The following TSPAN14 variants were observed in gnomAD, a reference collection of about 807,000 sequenced individuals.
The protein encoded by TSPAN14 is tetraspanin-14.
TSPAN14 carries 16 observed loss-of-function variants against 36.6 expected under a neutral mutation model. The observed-to-expected ratio is 0.44, with a 90% CI of 0.30 to 0.66. The LOEUF is 0.66. Ranked by LOEUF, TSPAN14 falls within the 30% of genes least tolerant of loss-of-function variation. The pLI, the probability that TSPAN14 is intolerant of heterozygous loss-of-function variation, is 0.12. For synonymous variants in TSPAN14, 139 were observed against 143.8 expected, an observed-to-expected ratio of 0.97 and a Z score of 0.24; for missense variants, 231 against 355.1, an observed-to-expected ratio of 0.65 and a Z score of 2.81.
chr10:80,479,764 T>C (rs1210778223), intron 1 of TSPAN14, among the ~76,000 whole-genome samples: 2 of 151,462 alleles, frequency 1.3e-5, no homozygotes. Flanking sequence ...TAGGATTGAC[T>C]TGGCGATGCG....
At chr10:80,511,302 G>T (rs1377395358) in intron 5 of TSPAN14, among the ~76,000 whole-genome samples, 1 of 152,154 alleles carries the variant, frequency 6.6e-6, no homozygotes, top group East Asian at 1.9e-4. Flanking sequence ...ACCTTCATCG[G>T]ACCTCTTTTC....
At position 80,473,692 on chromosome 10, in the gene TSPAN14, T is replaced by C. The variant is rs979467424; in HGVS notation, c.-17-15525T>C. On this transcript the variant is annotated intron_variant, in intron 1 of 8. Coordinates refer to ENST00000429989, the Ensembl canonical transcript of TSPAN14. ...TTGCTGCCACCATGATGGGTTTTTTTTTTTTTTTTAAATTAAAGTTTTTTT... is the reference window on the plus strand; with the variant it reads ...TTGCTGCCACCATGATGGGTTTTTTCTTTTTTTTTAAATTAAAGTTTTTTT... Among the ~76,000 whole-genome samples the C allele has an allele frequency of 4.1e-4, 59 of 142,316 alleles. 1 individual carries two copies. The highest frequency in any genetic ancestry group is 8.4e-4 in the Non-Finnish European group (53 of 63,164). 93.4% of individuals were successfully genotyped at this position (142,316 alleles called of 152,430 possible). A position where few individuals can be genotyped will look rare whatever the true frequency, so the allele number is the denominator to read the frequency against.
At chr10:80,464,188 G>A (rs1226364988) in intron 1 of TSPAN14, among the ~76,000 whole-genome samples, 1 of 152,200 alleles carries the variant, frequency 6.6e-6, no homozygotes, top group African/African-American at 2.4e-5. Context: ...TTTTCCCGCA[G>A]TGTCAGGGGT....
chr10:80,472,903 T>C (rs922744296), intron 1 of TSPAN14, among the ~76,000 whole-genome samples: 2 of 152,230 alleles, frequency 1.3e-5, no homozygotes, highest in African/African-American at 2.4e-5. Context: ...TCTATCACAG[T>C]TCTGTTGAAC....
intron 2 of TSPAN14, among the ~76,000 whole-genome samples, chr10:80,495,985 C>A: frequency 6.6e-6 from 1 of 152,092 alleles, no homozygotes; most frequent in South Asian, 2.1e-4. Context: ...ATAAATTAAA[C>A]TCTTTGGTAT....
intron 1 of TSPAN14, among the ~76,000 whole-genome samples, chr10:80,482,620 T>C (rs1847344091): frequency 6.6e-6 from 1 of 151,336 alleles, no homozygotes; most frequent in East Asian, 1.9e-4. Flanking sequence ...TGCATGTGAG[T>C]GTGCGTGTGC....
At chr10:80,518,786 C>T (rs1841092484) in exon 9 of TSPAN14, 1 of 152,828 alleles carries the variant, frequency 6.5e-6, no homozygotes, top group Non-Finnish European at 1.5e-5. Flanking sequence ...TAAGAATGTT[C>T]TCACACCATT....
At position 80,464,041 on chromosome 10, in the gene TSPAN14, G is replaced by A. The variant is rs143406633; in HGVS notation, c.-18+9670G>A. ...GTGAGGAGTCAGCCAGAGCGAGTTG[G>A]GGTGTAGGGAGGCGGGGAGCAGGCT... is the stretch of plus-strand genomic sequence containing the variant. On this transcript the variant is annotated intron_variant, in intron 1 of 8. Coordinates refer to ENST00000429989, the Ensembl canonical transcript of TSPAN14. Among the ~76,000 whole-genome samples the A allele has an allele frequency of 4.9e-4, 75 of 152,350 alleles. 1 individual carries two copies. Among genetic ancestry groups the A allele is most frequent in the African/African-American group, 1.5e-3 (63 of 41,588 alleles).
At chr10:80,510,761 C>G (rs950717205) in intron 5 of TSPAN14, among the ~76,000 whole-genome samples, 6 of 152,058 alleles carry the variant, frequency 3.9e-5, no homozygotes, top group Non-Finnish European at 5.9e-5. Context: ...GTAGTCCCAG[C>G]TACTCGGGAG....
chr10:80,486,015 C>T (rs1847574979), intron 1 of TSPAN14, among the ~76,000 whole-genome samples: 1 of 152,204 alleles, frequency 6.6e-6, no homozygotes, highest in African/African-American at 2.4e-5. Flanking sequence ...GAGAGGGTTT[C>T]TTCCTAGTTA....
chr10:80,482,881 G>A (rs962100864), intron 1 of TSPAN14, among the ~76,000 whole-genome samples: 5 of 151,570 alleles, frequency 3.3e-5, no homozygotes, highest in African/African-American at 1.2e-4. Flanking sequence ...TATTACAGGC[G>A]TGAGCCACCA....
At chr10:80,501,996 T>C (rs749798124) in intron 2 of TSPAN14, among the ~76,000 whole-genome samples, 17 of 152,160 alleles carry the variant, frequency 1.1e-4, no homozygotes, top group Non-Finnish European at 2.1e-4. Context: ...CCCTGTGGTC[T>C]GGGATCAGTG....
At chr10:80,467,655 C>A (rs1038504504) in intron 1 of TSPAN14, among the ~76,000 whole-genome samples, 20 of 152,172 alleles carry the variant, frequency 1.3e-4, no homozygotes, top group African/African-American at 4.8e-4. Flanking sequence ...ATGGAATTAA[C>A]AAAGAGCCCC....
At chr10:80,467,291 C>T (rs1846298134) in intron 1 of TSPAN14, among the ~76,000 whole-genome samples, 1 of 152,062 alleles carries the variant, frequency 6.6e-6, no homozygotes, top group Non-Finnish European at 1.5e-5. Flanking sequence ...CCAAGAGGGT[C>T]TGTTTAGTTG....
At chr10:80,510,057 C>T (rs1840533070) in intron 5 of TSPAN14, 1 of 153,070 alleles carries the variant, frequency 6.5e-6, no homozygotes, top group African/African-American at 2.4e-5. Flanking sequence ...TGGTCCCCAT[C>T]CCTCTTATCT....
chr10:80,468,066 T>C (rs567308553), intron 1 of TSPAN14, among the ~76,000 whole-genome samples: 1 of 152,374 alleles, frequency 6.6e-6, no homozygotes, highest in East Asian at 1.9e-4. Context: ...ATTTTGCCTC[T>C]ATTTTGTCAA....
At chr10:80,502,045 A>G (rs778843015) in intron 2 of TSPAN14, among the ~76,000 whole-genome samples, 7 of 152,172 alleles carry the variant, frequency 4.6e-5, no homozygotes, top group Non-Finnish European at 8.8e-5. Flanking sequence ...CACATGGAGG[A>G]TGGGGAGCAG....
chr10:80,457,228 C>T (rs1007808334), intron 1 of TSPAN14, among the ~76,000 whole-genome samples: 1 of 151,800 alleles, frequency 6.6e-6, no homozygotes, highest in East Asian at 2.0e-4. Context: ...CTCTATTGCC[C>T]AGGCTGGAGT....
intron 1 of TSPAN14, among the ~76,000 whole-genome samples, chr10:80,475,111 A>T (rs919835456): frequency 1.3e-5 from 2 of 152,204 alleles, no homozygotes; most frequent in Non-Finnish European, 2.9e-5. Flanking sequence ...GGGAGGAGCC[A>T]AGGGCCTGAC....
Sources: gnomAD v4.1 joint callset for allele counts (sites outside exome capture counted in the v4.1 genomes callset) on GRCh38, gnomAD v4.1.1 for gene constraint, MANE v1.5 for transcripts, NCBI Gene and HGNC (gene_info 2026-07-23, HGNC 2026-07-21) for gene names.